Variants in KDM4C observed in about 807,000 individuals in gnomAD.
KDM4C encodes lysine demethylase 4C.
Under a neutral mutation model 129.3 loss-of-function variants are expected in KDM4C, and 81 were observed. That is an observed-to-expected ratio of 0.63 (90% CI 0.52 to 0.75). The LOEUF is 0.75. Among genes scored for constraint, KDM4C ranks in the 30% least tolerant of loss-of-function variants. KDM4C has a pLI of 0.00. For synonymous variants in KDM4C, 573 were observed against 456.1 expected, an observed-to-expected ratio of 1.26 and a Z score of -3.26; for missense variants, 1,457 against 1,304.0, an observed-to-expected ratio of 1.12 and a Z score of -1.81.
At chr9:7,057,336 C>T (rs1831001358) in intron 17 of KDM4C, among the ~76,000 whole-genome samples, 1 of 152,214 alleles carries the variant, frequency 6.6e-6, no homozygotes, top group Non-Finnish European at 1.5e-5. Context: ...CAGCCATGGG[C>T]TGGATTTATT....
At chr9:6,909,444 G>T (rs991532468) in intron 8 of KDM4C, among the ~76,000 whole-genome samples, 1 of 152,156 alleles carries the variant, frequency 6.6e-6, no homozygotes, top group Non-Finnish European at 1.5e-5. Flanking sequence ...CAGTGGCATT[G>T]TGCATATTGG....
chr9:7,121,409 G>A (rs1839472202), intron 18 of KDM4C, among the ~76,000 whole-genome samples: 1 of 152,274 alleles, frequency 6.6e-6, no homozygotes. Flanking sequence ...AAGCCCTCTT[G>A]AACGAAGGAC....
At chr9:6,790,954 T>C (rs1826465537) in intron 1 of KDM4C, among the ~76,000 whole-genome samples, 1 of 152,208 alleles carries the variant, frequency 6.6e-6, no homozygotes, top group African/African-American at 2.4e-5. Context: ...AGTCTTTCCT[T>C]TCTATGCTCC....
In KDM4C at chr9:6,731,518, A is replaced by G. The variant is rs1269831145; in HGVS notation, c.49+10521A>G. Reference sequence around the variant, plus strand: ...GCTAATTTTTTTTTGTATTTTTAGTAGAGACGGGGTTTCTCCATGTTGAGG... The same window carrying G: ...GCTAATTTTTTTTTGTATTTTTAGTGGAGACGGGGTTTCTCCATGTTGAGG... On this transcript the variant is annotated intron_variant, in intron 1 of 17. Transcript: ENST00000536108. 2.6e-5 allele frequency among the ~76,000 whole-genome samples: 4 copies of G among 151,934 alleles called. No individual in the cohort carries two copies. In the East Asian group the frequency reaches 5.8e-4, roughly 22 times the overall value.
At chr9:6,866,034 C>G (rs1402616004) in intron 5 of KDM4C, among the ~76,000 whole-genome samples, 1 of 152,012 alleles carries the variant, frequency 6.6e-6, no homozygotes, top group African/African-American at 2.4e-5. Context: ...ATTCACCGTG[C>G]CTGGCCACCC....
chr9:6,924,938 TCTGACAG>T (rs2131245528), intron 8 of KDM4C: 1 of 985,002 alleles, frequency 1.0e-6, no homozygotes, highest in African/African-American at 1.7e-5. Context: ...AATAATGTGT[TCTGACAG>T]TGGTTATTTT....
intron 12 of KDM4C, among the ~76,000 whole-genome samples, chr9:6,998,545 C>T (rs1364917827): frequency 1.3e-5 from 2 of 152,198 alleles, no homozygotes; most frequent in East Asian, 3.8e-4. Context: ...CCTGTAATCC[C>T]AGCACTTTGG....
chr9:6,930,773 ATT>A (rs1272946565), intron 8 of KDM4C, among the ~76,000 whole-genome samples: 3 of 149,976 alleles, frequency 2.0e-5, no homozygotes, highest in Admixed American at 2.0e-4. Context: ...TTCATGTATC[ATT>A]CTTTCATACC....
chr9:6,949,045 C>T (rs919826307), intron 8 of KDM4C, among the ~76,000 whole-genome samples: 2 of 152,176 alleles, frequency 1.3e-5, no homozygotes, highest in Non-Finnish European at 2.9e-5. Flanking sequence ...CTCCTCACTT[C>T]CCAGAAGGGG....
upstream of KDM4C, among the ~76,000 whole-genome samples, chr9:6,756,844 C>T (rs887569746): frequency 6.6e-5 from 10 of 152,196 alleles, no homozygotes; most frequent in African/African-American, 2.4e-4. Context: ...ATGTTCACCC[C>T]AGTGAGAAAC....
chr9:6,958,559 C>T (rs1829486009), intron 8 of KDM4C, among the ~76,000 whole-genome samples: 1 of 151,826 alleles, frequency 6.6e-6, no homozygotes, highest in South Asian at 2.1e-4. Context: ...TGCATTCCAG[C>T]CTGGGCAACA....
At chr9:6,755,965 G>C (rs958482760), upstream of KDM4C, among the ~76,000 whole-genome samples, 1 of 152,102 alleles carries the variant, frequency 6.6e-6, no homozygotes, top group Non-Finnish European at 1.5e-5. Flanking sequence ...AGTTAGCAAG[G>C]TTCGTATATC....
At chr9:6,942,703 ACTTC>A (rs1322873471) in intron 8 of KDM4C, 1 of 152,062 alleles carries the variant, frequency 6.6e-6, no homozygotes, top group Non-Finnish European at 1.5e-5. Flanking sequence ...ACAATTGTGT[ACTTC>A]CTTAAATTAA....
intron 18 of KDM4C, among the ~76,000 whole-genome samples, chr9:7,125,311 T>TC (rs1367028793): frequency 6.6e-6 from 1 of 152,212 alleles, no homozygotes; most frequent in East Asian, 1.9e-4. Context: ...AGCCCAGGAA[T>TC]GAGGAGTCCT....
intron 5 of KDM4C, among the ~76,000 whole-genome samples, chr9:6,856,229 C>T (rs920616378): frequency 6.6e-6 from 1 of 151,634 alleles, no homozygotes; most frequent in African/African-American, 2.4e-5. Context: ...ATTTAGTGAT[C>T]CATTGAATTA....
chr9:7,144,293 C>G (rs920337713), intron 19 of KDM4C, among the ~76,000 whole-genome samples: 14 of 152,106 alleles, frequency 9.2e-5, no homozygotes, highest in Admixed American at 5.2e-4. Context: ...TTCTGAATAC[C>G]ATGAGCTGAT....
intron 5 of KDM4C, among the ~76,000 whole-genome samples, chr9:6,860,199 G>A (rs942862082): frequency 7.2e-5 from 11 of 152,122 alleles, no homozygotes; most frequent in African/African-American, 2.7e-4. Flanking sequence ...GATGGGGATG[G>A]GGGGGCGTTT....
intron 19 of KDM4C, among the ~76,000 whole-genome samples, chr9:7,154,238 C>G: frequency 6.6e-6 from 1 of 152,208 alleles, no homozygotes; most frequent in African/African-American, 2.4e-5. Context: ...TTGTTAATCC[C>G]TGCCAGGGTC....
chr9:7,146,952 A>C (rs1260089387), intron 19 of KDM4C, among the ~76,000 whole-genome samples: 3 of 152,172 alleles, frequency 2.0e-5, no homozygotes, highest in Admixed American at 2.0e-4. Flanking sequence ...GTGGCCTCCC[A>C]AGGGTTTTGT....
Sources: gnomAD v4.1 joint callset for allele counts (sites outside exome capture counted in the v4.1 genomes callset) on GRCh38, gnomAD v4.1.1 for gene constraint, MANE v1.5 for transcripts, NCBI Gene and HGNC (gene_info 2026-07-23, HGNC 2026-07-21) for gene names.